JAZF1: variants seen among roughly 807,000 people sequenced by gnomAD.
JAZF1 encodes the protein juxtaposed with another zinc finger protein 1.
Under a neutral mutation model 26.4 loss-of-function variants are expected in JAZF1, and 8 were observed. That is an observed-to-expected ratio of 0.30 (90% CI 0.18 to 0.55). The LOEUF (loss-of-function observed/expected upper bound fraction) is 0.55, where lower values mean the gene tolerates loss of function less well. JAZF1 is among the 20% of genes least tolerant of loss of function. JAZF1 has a pLI of 0.94. For missense variants in JAZF1, 199 were observed against 322.0 expected, an observed-to-expected ratio of 0.62 and a Z score of 2.92; for synonymous variants, 126 against 122.3, an observed-to-expected ratio of 1.03 and a Z score of -0.20.
intron 1 of JAZF1, among the ~76,000 whole-genome samples, chr7:28,126,582 C>T (rs543095448): frequency 6.6e-6 from 1 of 152,254 alleles, no homozygotes; most frequent in East Asian, 1.9e-4. Context: ...AGACCAGAGG[C>T]TCTGAGTGTG....
At chr7:28,176,009 A>T (rs1205485397) in intron 1 of JAZF1, among the ~76,000 whole-genome samples, 3 of 152,280 alleles carry the variant, frequency 2.0e-5, no homozygotes, top group South Asian at 4.1e-4. Flanking sequence ...TTTTTTTTAC[A>T]GAAACTTTGA....
intron 1 of JAZF1, among the ~76,000 whole-genome samples, chr7:28,093,112 C>T (rs142171606): frequency 2.4e-4 from 37 of 152,208 alleles, no homozygotes; most frequent in African/African-American, 8.9e-4. Context: ...CCCTTACTTC[C>T]CACCATTAAT....
chr7:27,901,347 A>G (rs911756852), intron 2 of JAZF1, among the ~76,000 whole-genome samples: 2 of 152,196 alleles, frequency 1.3e-5, no homozygotes, highest in Non-Finnish European at 2.9e-5. Flanking sequence ...TCAGACCACA[A>G]TGTTCATTCA....
chr7:27,971,104 C>A (rs1032630909), intron 2 of JAZF1, among the ~76,000 whole-genome samples: 2 of 152,186 alleles, frequency 1.3e-5, no homozygotes, highest in South Asian at 2.1e-4. Flanking sequence ...CTATGTTATG[C>A]CTTTCATTCT....
At chr7:27,955,728 A>G (rs950894597) in intron 2 of JAZF1, among the ~76,000 whole-genome samples, 3 of 152,220 alleles carry the variant, frequency 2.0e-5, no homozygotes, top group Non-Finnish European at 4.4e-5. Context: ...TTTTTACACA[A>G]TAATGTCAGC....
chr7:27,866,498 C>T (rs1783475883), intron 3 of JAZF1, among the ~76,000 whole-genome samples: 1 of 152,204 alleles, frequency 6.6e-6, no homozygotes, highest in Non-Finnish European at 1.5e-5. Flanking sequence ...TTAGAGCTAA[C>T]CTCACAGGGC....
chr7:27,888,772 C>G (rs571656829), intron 3 of JAZF1, among the ~76,000 whole-genome samples: 2 of 152,118 alleles, frequency 1.3e-5, no homozygotes, highest in Non-Finnish European at 2.9e-5. Context: ...AGAATCTAAA[C>G]AAGAAAACCT....
At chr7:27,920,063 G>C (rs1784503718) in intron 2 of JAZF1, among the ~76,000 whole-genome samples, 1 of 152,124 alleles carries the variant, frequency 6.6e-6, no homozygotes, top group Non-Finnish European at 1.5e-5. Flanking sequence ...AAAAGCTCCT[G>C]GCCCTGACCC....
intron 2 of JAZF1, among the ~76,000 whole-genome samples, chr7:27,935,226 G>T (rs915479962): frequency 5.9e-5 from 9 of 152,200 alleles, no homozygotes; most frequent in African/African-American, 2.2e-4. Flanking sequence ...GGAGAAATTG[G>T]AATCGTCACC....
rs1785998849 is a variant in JAZF1, at chr7:27,995,596, T to TA, written c.116-3616dup. On this transcript the variant is annotated intron_variant, in intron 1 of 4. Coordinates refer to ENST00000283928, the MANE Select transcript of JAZF1 (RefSeq NM_175061.4). ...ATAATTCACATATTAAAATATATTT[T>TA]AAAATACCCAAGTGATAAATACCTA... 2.6e-5 allele frequency among the ~76,000 whole-genome samples: 4 copies of TA among 152,166 alleles called. No individual in the cohort carries two copies. The South Asian group carries it at 8.3e-4, about 32-fold the overall frequency.
chr7:27,974,001 T>C (rs1785424848), intron 2 of JAZF1, among the ~76,000 whole-genome samples: 2 of 152,140 alleles, frequency 1.3e-5, no homozygotes, highest in Admixed American at 6.5e-5. Flanking sequence ...TGCCTGATTA[T>C]TTGGAAACAG....
chr7:27,996,476 G>C (rs768173263), intron 1 of JAZF1, among the ~76,000 whole-genome samples: 1 of 152,184 alleles, frequency 6.6e-6, no homozygotes, highest in Admixed American at 6.5e-5. Context: ...GGAAGACCCT[G>C]GGAAGGCAAA....
At chr7:28,077,951 T>C (rs1366372876) in intron 1 of JAZF1, among the ~76,000 whole-genome samples, 1 of 152,188 alleles carries the variant, frequency 6.6e-6, no homozygotes, top group East Asian at 1.9e-4. Flanking sequence ...TAAGACCCAC[T>C]ATGTAATCTA....
At chr7:27,929,936 TTCTCTCTC>T (rs112011020) in intron 2 of JAZF1, among the ~76,000 whole-genome samples, 6 of 144,712 alleles carry the variant, frequency 4.1e-5, no homozygotes, top group African/African-American at 1.3e-4. Context: ...ATTTTCTGCA[TTCTCTCTC>T]TCTCTCTCTC....
rs190225640 is a variant in JAZF1 at position 27,966,990 on chromosome 7, T to C, written c.188+24919A>G. Among the ~76,000 whole-genome samples, 11 of 152,332 alleles carry C rather than the reference T, an allele frequency of 7.2e-5. No homozygotes were observed. In the East Asian group the frequency reaches 2.1e-3, roughly 29 times the overall value. ...GACTGCACAGGTCTAAGGAACTGAC[T>C]AGTCAGGGTCTATGCCAGTGATAAA... is the stretch of plus-strand genomic sequence containing the variant. On this transcript the variant is annotated intron_variant, in intron 2 of 4. Coordinates refer to ENST00000283928, the MANE Select transcript of JAZF1 (RefSeq NM_175061.4).
chr7:27,885,614 C>T (rs1446608280), intron 3 of JAZF1, among the ~76,000 whole-genome samples: 4 of 152,160 alleles, frequency 2.6e-5, no homozygotes, highest in African/African-American at 9.7e-5. Context: ...ATTGTTGTCG[C>T]AATTTCTTGA....
chr7:27,952,846 G>A (rs1031617205), intron 2 of JAZF1, among the ~76,000 whole-genome samples: 1 of 152,206 alleles, frequency 6.6e-6, no homozygotes, highest in African/African-American at 2.4e-5. Context: ...GTGCAAGCAC[G>A]GAGGGATTTG....
chr7:27,895,479 T>C, intron 2 of JAZF1, 63 bp from the exon 3 acceptor site: 1 of 1,246,092 alleles, frequency 8.0e-7, no homozygotes, highest in South Asian at 1.7e-5. Context: ...CTGATGACAT[T>C]TATTAGAGTT....
At chr7:27,894,762 GTGT>G in intron 3 of JAZF1, among the ~76,000 whole-genome samples, 1 of 152,294 alleles carries the variant, frequency 6.6e-6, no homozygotes, top group East Asian at 1.9e-4. Context: ...TCTTCTCAAG[GTGT>G]TGTAAAAACA....
Sources: allele counts gnomAD v4.1 joint callset (sites outside exome capture counted in the v4.1 genomes callset), GRCh38; gene constraint gnomAD v4.1.1; transcripts MANE v1.5; gene names NCBI Gene and HGNC (gene_info 2026-07-23, HGNC 2026-07-21).